Variants in ZNF385D observed in about 807,000 individuals in gnomAD.
The protein encoded by ZNF385D is zinc finger protein 385D.
ZNF385D carries 15 observed loss-of-function variants against 35.8 expected under a neutral mutation model. The ratio of observed to expected loss-of-function variants is 0.42; its 90% confidence interval spans 0.28 to 0.64. ZNF385D has a LOEUF of 0.64. Among genes scored for constraint, ZNF385D ranks in the 30% least tolerant of loss-of-function variants. The pLI is 0.23. For synonymous variants in ZNF385D, 212 were observed against 186.8 expected (o/e 1.13, Z -1.10); for missense variants, 474 against 494.6 (o/e 0.96, Z 0.39).
chr3:21,640,839 G>C (rs2065583075), intron 2 of ZNF385D, among the ~76,000 whole-genome samples: 1 of 152,108 alleles, frequency 6.6e-6, no homozygotes, highest in African/African-American at 2.4e-5. Context: ...AGTACCTCTA[G>C]CGACAGGGAG....
chr3:21,460,705 G>A (rs1703115443), intron 4 of ZNF385D, among the ~76,000 whole-genome samples: 1 of 151,952 alleles, frequency 6.6e-6, no homozygotes, highest in Non-Finnish European at 1.5e-5. Flanking sequence ...AAGGAAAGGA[G>A]ATACAATGAA....
chr3:22,104,956 CACA>C (rs1702127986), intron 3 of ZNF385D, among the ~76,000 whole-genome samples: 1 of 152,054 alleles, frequency 6.6e-6, no homozygotes, highest in South Asian at 2.1e-4. Flanking sequence ...TGCAACTTGC[CACA>C]ACGTCTTTAC....
At chr3:22,189,126 C>T (rs1346759292) in intron 2 of ZNF385D, among the ~76,000 whole-genome samples, 3 of 151,918 alleles carry the variant, frequency 2.0e-5, no homozygotes, top group African/African-American at 7.3e-5. Flanking sequence ...GAATTCTTGT[C>T]TTTTAGGGTT....
chr3:22,073,831 TATTTA>T (rs1195072027), intron 3 of ZNF385D, among the ~76,000 whole-genome samples: 1 of 151,994 alleles, frequency 6.6e-6, no homozygotes, highest in African/African-American at 2.4e-5. Context: ...AGAGGTTATT[TATTTA>T]TACTGAGAAG....
intron 3 of ZNF385D, among the ~76,000 whole-genome samples, chr3:22,048,694 G>A (rs1699160751): frequency 6.6e-6 from 1 of 152,108 alleles, no homozygotes; most frequent in African/African-American, 2.4e-5. Context: ...CTTTGGCTTT[G>A]TTCTTTTTGC....
intron 3 of ZNF385D, among the ~76,000 whole-genome samples, chr3:21,819,882 G>A (rs1028540374): frequency 2.7e-5 from 4 of 147,080 alleles, no homozygotes; most frequent in Non-Finnish European, 4.5e-5. Context: ...CACATAATTA[G>A]GTTATACTTC....
chr3:22,110,090 A>G (rs6765612), intron 3 of ZNF385D, among the ~76,000 whole-genome samples: 124,379 of 149,192 alleles, frequency 0.83, 52,909 homozygotes, highest in African/African-American at 0.94. Flanking sequence ...ACAATGAGAT[A>G]TCATCTCACA....
At chr3:22,339,244 A>G (rs1204704772) in intron 2 of ZNF385D, among the ~76,000 whole-genome samples, 3 of 152,208 alleles carry the variant, frequency 2.0e-5, no homozygotes, top group African/African-American at 7.2e-5. Flanking sequence ...GCTTGCCACC[A>G]TGAAACAATG....
intron 3 of ZNF385D, among the ~76,000 whole-genome samples, chr3:21,561,343 T>C (rs2062938574): frequency 6.6e-6 from 1 of 152,214 alleles, no homozygotes; most frequent in Admixed American, 6.5e-5. Flanking sequence ...GTATCTGGGC[T>C]GGAGCGCACA....
chr3:22,151,844 A>C (rs966295946), intron 3 of ZNF385D, among the ~76,000 whole-genome samples: 1 of 152,132 alleles, frequency 6.6e-6, no homozygotes, highest in Non-Finnish European at 1.5e-5. Flanking sequence ...AATTTACCTC[A>C]CTCAGTAACT....
At chr3:21,714,400 T>A (rs2068232430) in intron 1 of ZNF385D, among the ~76,000 whole-genome samples, 1 of 152,150 alleles carries the variant, frequency 6.6e-6, no homozygotes, top group Admixed American at 6.5e-5. Context: ...CACTAAAGGC[T>A]CACTTCTGAG....
intron 2 of ZNF385D, among the ~76,000 whole-genome samples, chr3:22,368,452 G>A (rs1252778131): frequency 6.6e-6 from 1 of 152,152 alleles, no homozygotes; most frequent in Non-Finnish European, 1.5e-5. Flanking sequence ...TTAATCATGA[G>A]TTATTCCAAA....
intron 3 of ZNF385D, among the ~76,000 whole-genome samples, chr3:21,846,147 TG>T (rs1244428731): frequency 6.6e-6 from 1 of 152,022 alleles, no homozygotes; most frequent in East Asian, 1.9e-4. Flanking sequence ...TGTGGAAAGA[TG>T]TCTTAGATAT....
chr3:21,510,014 T>C (rs1707082678), intron 4 of ZNF385D, among the ~76,000 whole-genome samples: 1 of 152,212 alleles, frequency 6.6e-6, no homozygotes, highest in Non-Finnish European at 1.5e-5. Context: ...GACACTATCA[T>C]TGGTGATGAT....
At chr3:21,946,548 C>G (rs1287120888) in intron 3 of ZNF385D, among the ~76,000 whole-genome samples, 5 of 149,358 alleles carry the variant, frequency 3.3e-5, no homozygotes, top group African/African-American at 1.2e-4. Flanking sequence ...CTTACTTTCT[C>G]AGGCCAAGCA....
intron 2 of ZNF385D, among the ~76,000 whole-genome samples, chr3:21,638,720 T>C (rs1414514883): frequency 6.6e-6 from 1 of 152,122 alleles, no homozygotes; most frequent in Non-Finnish European, 1.5e-5. Context: ...AAGAAGTACA[T>C]TGGTTTTGTA....
At chr3:22,012,085 C>G (rs1432436643) in intron 3 of ZNF385D, among the ~76,000 whole-genome samples, 1 of 152,120 alleles carries the variant, frequency 6.6e-6, no homozygotes, top group African/African-American at 2.4e-5. Context: ...AATTTGGGAA[C>G]CATAGGTAGG....
intron 1 of ZNF385D, among the ~76,000 whole-genome samples, chr3:21,746,118 G>C (rs1389151576): frequency 1.3e-5 from 2 of 152,188 alleles, no homozygotes; most frequent in Non-Finnish European, 1.5e-5. Context: ...TCAGTCAAAA[G>C]CAACTGTGAC....
At chr3:21,629,450 T>C (rs1042977718) in intron 2 of ZNF385D, among the ~76,000 whole-genome samples, 3 of 152,172 alleles carry the variant, frequency 2.0e-5, no homozygotes, top group Non-Finnish European at 2.9e-5. Context: ...TGAACACATA[T>C]ATTTTATGTT....
Sources: gnomAD v4.1 joint callset for allele counts (sites outside exome capture counted in the v4.1 genomes callset) on GRCh38, gnomAD v4.1.1 for gene constraint, MANE v1.5 for transcripts, NCBI Gene and HGNC (gene_info 2026-07-23, HGNC 2026-07-21) for gene names.